The following EML3 variants were observed in gnomAD, a reference collection of about 807,000 sequenced individuals.
EML3 encodes EMAP like 3, also known as echinoderm microtubule-associated protein-like 3.
Under a neutral mutation model 106.7 loss-of-function variants are expected in EML3, and 53 were observed. The ratio of observed to expected loss-of-function variants is 0.50; its 90% CI spans 0.40 to 0.62. The LOEUF (loss-of-function observed/expected upper bound fraction) is 0.62, where lower values mean the gene tolerates loss of function less well. Ranked by LOEUF, EML3 falls within the 20% of genes least tolerant of loss-of-function variation. EML3 has a pLI of 0.00. For missense variants in EML3, 994 were observed against 1,209.1 expected (o/e 0.82, Z 2.64); for synonymous variants, 499 against 489.6 (o/e 1.02, Z -0.25).
chr11:62,607,220 G>T, intron 11 of EML3, 121 bp from the exon 12 acceptor site: 1 of 1,307,070 alleles, frequency 7.7e-7, no homozygotes, highest in Non-Finnish European at 1.0e-6. Flanking sequence ...GGCCAAGGCG[G>T]GCGGGTCACC....
rs1460291821 is a variant in EML3, at chr11:62,612,404, G to A, written c.22+32C>T. 4 of 1,500,446 alleles carry A rather than the reference G, an allele frequency of 2.7e-6. No individual in the cohort carries two copies. The South Asian group carries it at 4.9e-5, about 18-fold the overall frequency. The allele number at this position is 1,500,446 out of a possible 1,614,324, so 92.9% of individuals were successfully genotyped here. A position where few individuals can be genotyped will look rare whatever the true frequency, so the allele number is the denominator to read the frequency against. ...CCCGACGAGCCGGGCGCTCCGGGAA[G>A]GGGCACGCCGCCCGCCCCGCCCCGT... On this transcript the variant is annotated intron_variant, in intron 1 of 21. Transcript: ENST00000394773.
intron 16 of EML3, chr11:62,604,713 T>C (rs1942426809): frequency 5.0e-6 from 1 of 198,324 alleles, no homozygotes; most frequent in African/African-American, 2.4e-5. Flanking sequence ...GGGAAGGAGC[T>C]AAGTGTGGAT....
At position 62,609,124 on chromosome 11, in the gene EML3, T is replaced by A; in HGVS notation, c.767A>T (p.Tyr256Phe). Reference protein sequence around the residue: ...ETLSLDWVYGYRGRDSRSNLF... With the variant: ...ETLSLDWVYGFRGRDSRSNLF... Reference sequence around the variant, plus strand: ...ATTAGAGCGGGAGTCACGACCCCTGTACCCATAACTGGGGTGGAGATCACG... The same window carrying A: ...ATTAGAGCGGGAGTCACGACCCCTGAACCCATAACTGGGGTGGAGATCACG... The change falls in exon 7 of 22, where the codon TAC becomes TTC. Residue 256 changes from tyrosine (Y) to phenylalanine (F), a missense_variant. Coordinates refer to ENST00000394773, the MANE Select transcript of EML3 (RefSeq NM_153265.3). 6.2e-7 allele frequency: 1 copy of A among 1,613,820 alleles called. No homozygotes were observed. The highest frequency in any genetic ancestry group is 8.5e-7 in the Non-Finnish European group (1 of 1,180,004).
At position 62,611,577 on chromosome 11, in the gene EML3, C is replaced by G. The variant is rs1942831367; in HGVS notation, c.42G>C (p.Glu14Asp). 2 of 1,613,452 alleles carry G rather than the reference C, an allele frequency of 1.2e-6. No individual in the cohort carries two copies. Among genetic ancestry groups the G allele is most frequent in the African/African-American group, 1.3e-5 (1 of 75,062 alleles). The change falls in exon 2 of 22, where the codon GAG (glutamate) becomes GAC (aspartate). Residue 14 changes from glutamate (E) to aspartate (D), a missense_variant. Glu to Asp is a conservative substitution (Grantham distance 45, BLOSUM62 2). Transcript: ENST00000394773. ...AAGPGDGPAR[E>D]ALQSLSQRLR... is the part of the protein sequence containing the mutation. The stretch of plus-strand genomic sequence containing the variant: ...GCCGCTGGCTCAGAGACTGGAGGGC[C>G]TCCCGAGCAGGGCCGTCACCTGGGA...
chr11:62,604,329 G>C, intron 16 of EML3, 128 bp from the exon 17 acceptor site: 1 of 698,214 alleles, frequency 1.4e-6, no homozygotes. Flanking sequence ...CACACAGAAA[G>C]GCTCTGATGT....
chr11:62,607,142 G>A (rs1590750593), intron 11 of EML3, 43 bp from the exon 12 acceptor site: 4 of 1,604,552 alleles, frequency 2.5e-6, no homozygotes, highest in Middle Eastern at 1.7e-4. Flanking sequence ...AAAGGGAAGG[G>A]CAAAGATTAA....
At chr11:62,612,005 C>G (rs1188253848) in intron 1 of EML3, 1 of 365,446 alleles carries the variant, frequency 2.7e-6, no homozygotes, top group African/African-American at 2.1e-5. Flanking sequence ...GCCGGGGGAA[C>G]ACCAGGAGAG....
rs76955790 is a variant in EML3 at position 62,611,215 on chromosome 11, G to T, written c.324C>A (p.Ala108=). ...GPPGLSNGPP[A]PQGASEEPSG... ...TAGGCTCTTCGCTGGCCCCCTGAGG[G>T]GCTGGGGGTCCATTGCTCAGGCCAG... Residue 108 remains alanine (A), a synonymous_variant, in exon 3 of 22, where the codon GCC becomes GCA. Coordinates refer to ENST00000394773, the MANE Select transcript of EML3 (RefSeq NM_153265.3). 4,354 of 1,611,344 alleles carry T rather than the reference G, an allele frequency of 2.7e-3. 74 individuals are homozygous for T. In the East Asian group the frequency reaches 0.056, roughly 21 times the overall value.
Position 62,606,045 on chromosome 11 carries a change from C to A in EML3, c.1656+18G>T, listed in dbSNP as rs776245964. 6.2e-7 allele frequency: 1 copy of A among 1,613,618 alleles called. No homozygotes were observed. The highest frequency in any genetic ancestry group is 1.3e-5 in the African/African-American group (1 of 74,950). ...TTGCTCTTCTCCCTCACTCCCTTGA[C>A]CCCAGCCCAGCCCTCACCTCAGCCT... On this transcript the variant is annotated intron_variant, in intron 13 of 21. Transcript: ENST00000394773.
Position 62,605,344 on chromosome 11 carries a change from C to T in EML3, c.1915-164G>A, listed in dbSNP as rs1312701848. On this transcript the variant is annotated intron_variant, in intron 15 of 21. Transcript: ENST00000394773. This position sits in a 1 kb window ranked among gnomAD's most constrained non-coding sequence, Gnocchi z 5.2. Reference sequence around the variant, plus strand: ...ACTGGAGCCTGAACAGGGAGTGATACCAAAATATTTAACCACAGAACTGAT... The same window carrying T: ...ACTGGAGCCTGAACAGGGAGTGATATCAAAATATTTAACCACAGAACTGAT... 7 of 707,952 alleles carry T rather than the reference C, an allele frequency of 9.9e-6. No individual in the cohort carries two copies. In the East Asian group the frequency reaches 1.2e-4, roughly 12 times the overall value. The allele number at this position is 707,952 out of a possible 1,614,324, so 43.9% of individuals were successfully genotyped here.
At chr11:62,609,500 C>G (rs758357485) in intron 5 of EML3, 23 bp from the exon 6 acceptor site, 2 of 1,545,426 alleles carry the variant, frequency 1.3e-6, no homozygotes, top group Non-Finnish European at 1.7e-6. Context: ...GGGGTGGTGT[C>G]AACTACCCCC....
chr11:62,608,428 A>G, intron 9 of EML3, 114 bp downstream of exon 9: 1 of 1,356,464 alleles, frequency 7.4e-7, no homozygotes. Flanking sequence ...CTTTCTCAAG[A>G]GAACCAGCTG....
At chr11:62,606,874 A>G (rs1942548966) in intron 12 of EML3, 84 bp downstream of exon 12, 2 of 1,395,230 alleles carry the variant, frequency 1.4e-6, no homozygotes, top group Admixed American at 2.5e-5. Context: ...AAAAAAAAAA[A>G]GATGGGAATG....
At position 62,604,070 on chromosome 11, in the gene EML3, G is replaced by T. The variant is rs370198802; in HGVS notation, c.2072-29C>A. ...CAAATACAGTCACTCAGAGAGGGAAGGGCCAGGGACGCATGTGAGTCCAGG... is the reference window on the plus strand; with the variant it reads ...CAAATACAGTCACTCAGAGAGGGAATGGCCAGGGACGCATGTGAGTCCAGG... On this transcript the variant is annotated intron_variant, in intron 17 of 21. Transcript: ENST00000394773. The T allele has an allele frequency of 3.0e-5, 48 of 1,613,962 alleles. No individual in the cohort carries two copies. In the African/African-American group the frequency reaches 5.9e-4, roughly 20 times the overall value.
At position 62,611,274 on chromosome 11, in the gene EML3, T is replaced by C. The variant is rs1275815172; in HGVS notation, c.265A>G (p.Thr89Ala). ...GGGGATGACTTGAGCTCCACCTCTG[T>C]CTCCGTCTGGGTGCCTCGGCTCACC... Reference protein sequence around the residue: ...SLVSRGTQTETEVELKSSPGP... With the variant: ...SLVSRGTQTEAEVELKSSPGP... Residue 89 changes from threonine (T) to alanine (A), a missense_variant, in exon 3 of 22, where the codon ACA (threonine) becomes GCA (alanine). Transcript: ENST00000394773. 1.9e-6 allele frequency: 3 copies of C among 1,612,694 alleles called. No homozygotes were observed. Among genetic ancestry groups the C allele is most frequent in the Non-Finnish European group, 2.5e-6 (3 of 1,179,914 alleles).
In EML3 at chr11:62,602,377, A is replaced by T; in HGVS notation, c.*98T>A. 2 of 1,427,592 alleles carry T rather than the reference A, an allele frequency of 1.4e-6. No homozygotes were observed. Among genetic ancestry groups the T allele is most frequent in the Non-Finnish European group, 1.9e-6 (2 of 1,066,272 alleles). The allele number at this position is 1,427,592 out of a possible 1,614,324, so 88.4% of individuals were successfully genotyped here. A position where few individuals can be genotyped will look rare whatever the true frequency, so the allele number is the denominator to read the frequency against. ...ATCGGGAATGTCTCGAAGTCAGTCC[A>T]GGAAAGAGTCGGCCCCTAGTCGTGG... On this transcript the variant is annotated 3_prime_UTR_variant, in exon 22 of 22. Transcript: ENST00000394773.
intron 19 of EML3, 24 bp from the exon 20 acceptor site, chr11:62,603,271 C>G: frequency 6.2e-7 from 1 of 1,605,588 alleles, no homozygotes; most frequent in Non-Finnish European, 8.5e-7. Flanking sequence ...GCCCGCCCAG[C>G]TCAGCTCTCA....
chr11:62,602,311 G>A lies in EML3; in HGVS notation c.*164C>T, dbSNP rs1290837898. 1 of 1,550,984 alleles carries A rather than the reference G, an allele frequency of 6.4e-7. No homozygotes were observed. Among genetic ancestry groups the A allele is most frequent in the African/African-American group, 1.4e-5 (1 of 73,184 alleles). On this transcript the variant is annotated 3_prime_UTR_variant, in exon 22 of 22. Transcript: ENST00000394773. ...GGCTCAGCCAGCGGGTCTAAACAGT[G>A]TGTGCAGGGGCGCCGTTCGCGCCCT... is the stretch of plus-strand genomic sequence containing the variant.
intron 7 of EML3, 31 bp from the exon 8 acceptor site, chr11:62,608,836 G>A (rs1486570783): frequency 6.4e-7 from 1 of 1,564,756 alleles, no homozygotes; most frequent in Non-Finnish European, 8.7e-7. Context: ...TCTAGGGAAA[G>A]GGTCTCTCAA....
Sources: allele counts gnomAD v4.1 joint callset, GRCh38; gene constraint gnomAD v4.1.1; non-coding constraint Gnocchi (gnomAD v3.1); transcripts MANE v1.5; gene names NCBI Gene and HGNC (gene_info 2026-07-23, HGNC 2026-07-21).